The following ATP9B variants were observed in gnomAD, a reference collection of about 807,000 sequenced individuals.
ATP9B encodes the protein probable phospholipid-transporting ATPase IIB.
ATP9B carries 110 observed loss-of-function variants against 146.1 expected under a neutral mutation model. That is an observed-to-expected ratio of 0.75 (90% CI 0.65 to 0.88). ATP9B has a LOEUF of 0.88. ATP9B is among the 40% of genes least tolerant of loss of function. The pLI, the probability that ATP9B is intolerant of heterozygous loss-of-function variation, is 0.00. For synonymous variants in ATP9B, 604 were observed against 569.7 expected (o/e 1.06, Z -0.86); for missense variants, 1,499 against 1,496.4 (o/e 1.00, Z -0.03).
chr18:79,216,935 A>G (rs1204172973), intron 11 of ATP9B, among the ~76,000 whole-genome samples: 1 of 152,154 alleles, frequency 6.6e-6, no homozygotes, highest in Non-Finnish European at 1.5e-5. Context: ...CCCAATAGGG[A>G]TTCACGATAG....
chr18:79,072,734 G>C (rs2072036630), intron 1 of ATP9B, among the ~76,000 whole-genome samples: 1 of 87,138 alleles, frequency 1.1e-5, no homozygotes, highest in Admixed American at 1.1e-4. Flanking sequence ...CGGCTGCTGG[G>C]CGGGGGCGCC....
At chr18:79,077,517 C>T (rs1349948670) in intron 1 of ATP9B, among the ~76,000 whole-genome samples, 3 of 152,126 alleles carry the variant, frequency 2.0e-5, no homozygotes, top group Non-Finnish European at 2.9e-5. Flanking sequence ...ACTAGGCCTC[C>T]TCTGACATTA....
chr18:79,245,600 TGCGGAGG>T (rs2095939765), intron 11 of ATP9B, among the ~76,000 whole-genome samples: 1 of 127,186 alleles, frequency 7.9e-6, no homozygotes, highest in Non-Finnish European at 1.7e-5. Flanking sequence ...CTAATGACTG[TGCGGAGG>T]GTACCACCCT....
chr18:79,179,511 A>T (rs765509073), intron 8 of ATP9B, among the ~76,000 whole-genome samples: 4 of 152,152 alleles, frequency 2.6e-5, no homozygotes, highest in Non-Finnish European at 4.4e-5. Context: ...ATTTTCATTT[A>T]GTTAAAAATA....
intron 6 of ATP9B, among the ~76,000 whole-genome samples, chr18:79,151,529 C>T (rs1159528402): frequency 1.3e-5 from 2 of 152,138 alleles, no homozygotes; most frequent in Non-Finnish European, 2.9e-5. Flanking sequence ...TGCATACATC[C>T]ACACATTGCT....
chr18:79,280,351 A>G (rs1371343552), intron 13 of ATP9B, among the ~76,000 whole-genome samples: 1 of 152,220 alleles, frequency 6.6e-6, no homozygotes, highest in African/African-American at 2.4e-5. Flanking sequence ...AAGCATGTAG[A>G]CCAATATGAA....
chr18:79,153,712 A>G lies in ATP9B; in HGVS notation c.727-792A>G, dbSNP rs561251543. ...GCTTGCCAGGCTGAAGTGCAGTGGC[A>G]TGAACATGGCTCACTGCTGCCTTGA... is the stretch of plus-strand genomic sequence containing the variant. On this transcript the variant is annotated intron_variant, in intron 6 of 29. Coordinates refer to ENST00000426216, the MANE Select transcript of ATP9B (RefSeq NM_198531.5). Among the ~76,000 whole-genome samples the G allele has an allele frequency of 1.2e-4, 18 of 150,514 alleles. No individual in the cohort carries two copies. The South Asian group carries it at 3.8e-3, about 32-fold the overall frequency.
At chr18:79,090,794 C>A (rs925479996) in intron 1 of ATP9B, among the ~76,000 whole-genome samples, 1 of 152,066 alleles carries the variant, frequency 6.6e-6, no homozygotes, top group Non-Finnish European at 1.5e-5. Context: ...GATGCTATCT[C>A]GTTTGTCCAT....
At chr18:79,089,245 AAC>A (rs1337184806) in intron 1 of ATP9B, among the ~76,000 whole-genome samples, 1 of 152,168 alleles carries the variant, frequency 6.6e-6, no homozygotes, top group African/African-American at 2.4e-5. Flanking sequence ...GTTCCCCAAA[AAC>A]CTATGGAAAT....
chr18:79,160,213 T>A (rs1025728383), intron 7 of ATP9B, among the ~76,000 whole-genome samples: 1 of 152,254 alleles, frequency 6.6e-6, no homozygotes, highest in Admixed American at 6.5e-5. Flanking sequence ...CCGCAGGGAT[T>A]TTAACTAACA....
At chr18:79,349,285 C>G (rs1237171674) in intron 25 of ATP9B, among the ~76,000 whole-genome samples, 1 of 152,210 alleles carries the variant, frequency 6.6e-6, no homozygotes, top group Non-Finnish European at 1.5e-5. Context: ...CACAAAGAGT[C>G]TCAGAAAATA....
At chr18:79,246,633 T>C (rs2095967143) in intron 11 of ATP9B, among the ~76,000 whole-genome samples, 1 of 152,220 alleles carries the variant, frequency 6.6e-6, no homozygotes. Flanking sequence ...ACTGGTTGGG[T>C]TAGAAATGGC....
At chr18:79,149,979 G>T (rs561192083) in intron 6 of ATP9B, among the ~76,000 whole-genome samples, 5 of 152,266 alleles carry the variant, frequency 3.3e-5, no homozygotes, top group African/African-American at 7.2e-5. Flanking sequence ...TACTTGGGAG[G>T]CTGAGGCAGG....
chr18:79,172,732 A>G (rs1191167919), intron 7 of ATP9B, among the ~76,000 whole-genome samples: 1 of 152,282 alleles, frequency 6.6e-6, no homozygotes, highest in African/African-American at 2.4e-5. Context: ...TTTACTGCTA[A>G]CTAGGATTTC....
At chr18:79,287,529 A>G (rs1262929822) in intron 13 of ATP9B, among the ~76,000 whole-genome samples, 2 of 152,020 alleles carry the variant, frequency 1.3e-5, no homozygotes, top group African/African-American at 4.8e-5. Context: ...TAGTCTTGCT[A>G]GCGGTCTATC....
At chr18:79,247,349 T>G (rs2095977888) in intron 11 of ATP9B, among the ~76,000 whole-genome samples, 1 of 152,196 alleles carries the variant, frequency 6.6e-6, no homozygotes, top group African/African-American at 2.4e-5. Context: ...TGCTACTTTC[T>G]GACATTATGG....
chr18:79,149,227 C>T (rs1169994581), intron 6 of ATP9B, among the ~76,000 whole-genome samples: 1 of 151,838 alleles, frequency 6.6e-6, no homozygotes, highest in Non-Finnish European at 1.5e-5. Flanking sequence ...CCAACTTTGA[C>T]AAGGAAAATA....
intron 1 of ATP9B, among the ~76,000 whole-genome samples, chr18:79,071,032 CATTCTG>C (rs1208037713): frequency 7.2e-6 from 1 of 138,236 alleles, no homozygotes; most frequent in Non-Finnish European, 1.6e-5. Context: ...TTCTGATTCT[CATTCTG>C]ATTCCTGTTT....
intron 2 of ATP9B, among the ~76,000 whole-genome samples, chr18:79,105,105 A>G (rs2075567462): frequency 1.3e-5 from 2 of 152,206 alleles, no homozygotes; most frequent in South Asian, 4.1e-4. Context: ...TGCTGTTCTT[A>G]TTCAGGAGAT....
Sources: gnomAD v4.1 joint callset for allele counts (sites outside exome capture counted in the v4.1 genomes callset) on GRCh38, gnomAD v4.1.1 for gene constraint, MANE v1.5 for transcripts, NCBI Gene and HGNC (gene_info 2026-07-23, HGNC 2026-07-21) for gene names.